The following TNRC6A variants were observed in gnomAD, a reference collection of about 807,000 sequenced individuals.
TNRC6A encodes the protein trinucleotide repeat-containing gene 6A protein.
A neutral mutation model predicts 221.2 loss-of-function variants in TNRC6A; 44 were observed. The observed-to-expected ratio is 0.20, with a 90% CI of 0.16 to 0.26. The LOEUF (loss-of-function observed/expected upper bound fraction) is 0.26. TNRC6A is among the 10% of genes least tolerant of loss of function. TNRC6A has a pLI of 1.00. For missense variants in TNRC6A, 2,199 were observed against 2,404.4 expected, an observed-to-expected ratio of 0.91 and a Z score of 1.79; for synonymous variants, 847 against 838.5, an observed-to-expected ratio of 1.01 and a Z score of -0.18.
chr16:24,714,458 A>G (rs1436028331), intron 2 of TNRC6A, among the ~76,000 whole-genome samples: 10 of 150,684 alleles, frequency 6.6e-5, no homozygotes, highest in Non-Finnish European at 1.5e-4. Flanking sequence ...ACAGGTGCCC[A>G]CCACCAAACC....
In TNRC6A at chr16:24,729,687, G is replaced by GTGTCGGTGTCGGTGT. The variant is rs577598452; in HGVS notation, c.-155_-154insTGTCGGTGTCGGTGT. On this transcript the variant is annotated 5_prime_UTR_variant, in exon 1 of 25. Transcript: ENST00000395799. ...GGGGCCTGCGGCGGCGGCGGTGTCG[G>GTGTCGGTGTCGGTGT]CGGCGGCGGCGGCGGCGGCGGCGGC... 2 of 263,992 alleles carry GTGTCGGTGTCGGTGT rather than the reference G, an allele frequency of 7.6e-6. No homozygotes were observed. The highest frequency in any genetic ancestry group is 4.2e-5 in the African/African-American group (1 of 23,918). The allele number at this position is 263,992 out of a possible 1,614,324, so 16.4% of individuals were successfully genotyped here. A position where few individuals can be genotyped will look rare whatever the true frequency, so the allele number is the denominator to read the frequency against.
rs369545746 is a variant in TNRC6A, at chr16:24,761,858, G to A, written c.163+3498G>A. On this transcript the variant is annotated intron_variant, in intron 4 of 24. Transcript: ENST00000395799. Reference sequence around the variant, plus strand: ...CATTGGGTTTTTTGGGAAGCATGTTGATTGTACATTCATTTCAAAAGAATA... The same window carrying A: ...CATTGGGTTTTTTGGGAAGCATGTTAATTGTACATTCATTTCAAAAGAATA... Among the ~76,000 whole-genome samples the A allele has an allele frequency of 3.9e-5, 6 of 152,220 alleles. No individual in the cohort carries two copies. In the South Asian group the frequency reaches 1.2e-3, roughly 32 times the overall value.
chr16:24,778,616 T>A, intron 5 of TNRC6A: 1 of 442,178 alleles, frequency 2.3e-6, no homozygotes, highest in Non-Finnish European at 3.0e-6. Flanking sequence ...TGCTAATCTG[T>A]AAAACAGTAG....
At chr16:24,753,208 T>C (rs1338626028) in intron 3 of TNRC6A, among the ~76,000 whole-genome samples, 1 of 152,214 alleles carries the variant, frequency 6.6e-6, no homozygotes, top group Non-Finnish European at 1.5e-5. Flanking sequence ...TTTCATACTG[T>C]TGCCCACTTC....
chr16:24,759,987 A>G (rs1440912597), intron 4 of TNRC6A, among the ~76,000 whole-genome samples: 1 of 152,118 alleles, frequency 6.6e-6, no homozygotes, highest in East Asian at 1.9e-4. Flanking sequence ...AGCAATGGTA[A>G]GTTGTCCCTA....
At chr16:24,716,616 G>T (rs190535791) in intron 2 of TNRC6A, among the ~76,000 whole-genome samples, 1 of 152,026 alleles carries the variant, frequency 6.6e-6, no homozygotes, top group Non-Finnish European at 1.5e-5. Flanking sequence ...AGGCTACCAT[G>T]TTCACGCCAC....
At chr16:24,666,471 CAAAAAAAAA>C (rs765727823) in intron 2 of TNRC6A, among the ~76,000 whole-genome samples, 1 of 83,934 alleles carries the variant, frequency 1.2e-5, no homozygotes, top group Non-Finnish European at 2.3e-5. Flanking sequence ...GACTCCGTCT[CAAAAAAAAA>C]AAAAAAAAAA....
chr16:24,714,259 A>T (rs1055430455), intron 2 of TNRC6A, among the ~76,000 whole-genome samples: 3 of 136,900 alleles, frequency 2.2e-5, no homozygotes, highest in African/African-American at 2.8e-5. Context: ...ATGTCATCAG[A>T]TTCACTGATC....
intron 2 of TNRC6A, among the ~76,000 whole-genome samples, chr16:24,745,364 G>T (rs2056982535): frequency 6.6e-6 from 1 of 152,144 alleles, no homozygotes; most frequent in Admixed American, 6.5e-5. Context: ...TAGGTAGGAG[G>T]ATAAAAATGA....
chr16:24,804,525 A>G (rs2058391400), intron 12 of TNRC6A, 180 bp from the exon 13 acceptor site: 2 of 1,144,218 alleles, frequency 1.7e-6, no homozygotes, highest in Non-Finnish European at 2.4e-6. Flanking sequence ...TAATCCCATG[A>G]AATATGTTTG....
chr16:24,807,820 G>C (rs1180416457), intron 17 of TNRC6A, among the ~76,000 whole-genome samples: 1 of 151,950 alleles, frequency 6.6e-6, no homozygotes, highest in African/African-American at 2.4e-5. Context: ...CTATACAGTG[G>C]TTTCTTGTAA....
intron 11 of TNRC6A, among the ~76,000 whole-genome samples, chr16:24,799,648 G>A (rs185790381): frequency 2.1e-4 from 32 of 152,304 alleles, no homozygotes; most frequent in Admixed American, 2.0e-3. Flanking sequence ...ATCCATATGA[G>A]AAACAATAGA....
At position 24,729,662 on chromosome 16, in the gene TNRC6A, G is replaced by C. The variant is rs1162938677; in HGVS notation, c.-180G>C. The C allele has an allele frequency of 2.0e-5, 13 of 659,302 alleles. 1 individual carries two copies. The highest frequency in any genetic ancestry group is 4.9e-5 in the South Asian group (1 of 20,212). The allele number at this position is 659,302 out of a possible 1,614,324, so 40.8% of individuals were successfully genotyped here. A position where few individuals can be genotyped will look rare whatever the true frequency, so the allele number is the denominator to read the frequency against. On this transcript the variant is annotated 5_prime_UTR_variant, in exon 1 of 25. Coordinates refer to ENST00000395799, the MANE Select transcript of TNRC6A (RefSeq NM_014494.4). ...CGAGTGGGGCATTCACTTCCGGTCTGGGGCCTGCGGCGGCGGCGGTGTCGG... is the reference window on the plus strand; with the variant it reads ...CGAGTGGGGCATTCACTTCCGGTCTCGGGCCTGCGGCGGCGGCGGTGTCGG...
At chr16:24,647,197 G>T (rs190601394) in intron 2 of TNRC6A, among the ~76,000 whole-genome samples, 2 of 152,176 alleles carry the variant, frequency 1.3e-5, no homozygotes, top group African/African-American at 4.8e-5. Flanking sequence ...CTCCCAAAGT[G>T]CTGGGATTAC....
At chr16:24,769,103 TTGTC>T (rs1045374075) in intron 4 of TNRC6A, among the ~76,000 whole-genome samples, 1 of 152,262 alleles carries the variant, frequency 6.6e-6, no homozygotes, top group South Asian at 2.1e-4. Flanking sequence ...TTTGGTTATA[TTGTC>T]TGTTCTTGGG....
intron 2 of TNRC6A, among the ~76,000 whole-genome samples, chr16:24,681,727 A>G (rs72768626): frequency 0.045 from 6,897 of 152,264 alleles, 203 homozygotes; most frequent in Middle Eastern, 0.11. Context: ...AGGGGCTAGA[A>G]CAGTGCTTGA....
intron 2 of TNRC6A, among the ~76,000 whole-genome samples, chr16:24,686,657 A>G (rs1272974088): frequency 1.3e-5 from 2 of 152,208 alleles, no homozygotes; most frequent in African/African-American, 4.8e-5. Context: ...CAGAGAATAG[A>G]TCTGGTCTTT....
chr16:24,738,860 T>G (rs944924330), intron 2 of TNRC6A, among the ~76,000 whole-genome samples: 3 of 152,324 alleles, frequency 2.0e-5, no homozygotes, highest in Admixed American at 6.5e-5. Flanking sequence ...TTTGTGTTGT[T>G]TTGTTTTGTT....
At chr16:24,788,007 G>C (rs1326249139) in intron 5 of TNRC6A, among the ~76,000 whole-genome samples, 1 of 152,202 alleles carries the variant, frequency 6.6e-6, no homozygotes, top group Non-Finnish European at 1.5e-5. Context: ...AAGACAGTCA[G>C]AATGCACGTG....
Sources: gnomAD v4.1 joint callset for allele counts (sites outside exome capture counted in the v4.1 genomes callset) on GRCh38, gnomAD v4.1.1 for gene constraint, MANE v1.5 for transcripts, NCBI Gene and HGNC (gene_info 2026-07-23, HGNC 2026-07-21) for gene names.